The following TMEM161B variants were observed in gnomAD, a reference collection of about 807,000 sequenced individuals.
TMEM161B encodes the protein transmembrane protein 161B.
TMEM161B carries 34 observed loss-of-function variants against 61.8 expected under a neutral mutation model. The ratio of observed to expected loss-of-function variants is 0.55; its 90% CI spans 0.42 to 0.73. The LOEUF is 0.73. Ranked by LOEUF, TMEM161B falls within the 30% of genes least tolerant of loss-of-function variation. The probability of loss-of-function intolerance (pLI) is 0.00; values close to 1 mark genes in which losing one functional copy is unlikely to be tolerated. For synonymous variants in TMEM161B, 167 were observed against 192.8 expected (o/e 0.87, Z 1.11); for missense variants, 456 against 558.5 (o/e 0.82, Z 1.85).
chr5:88,197,923 A>G (rs1016099512), intron 10 of TMEM161B, 158 bp from the exon 11 acceptor site: 6 of 499,292 alleles, frequency 1.2e-5, no homozygotes, highest in African/African-American at 2.0e-5. Flanking sequence ...CATGTCCCCA[A>G]AATGACTTTG....
rs1368941352 is a variant in TMEM161B, at chr5:88,196,124, C to T, written c.*87G>A. The T allele has an allele frequency of 6.7e-7, 1 of 1,489,670 alleles. No individual in the cohort carries two copies. Among genetic ancestry groups the T allele is most frequent in the Non-Finnish European group, 8.9e-7 (1 of 1,123,196 alleles). 92.3% of individuals were successfully genotyped at this position (1,489,670 alleles called of 1,614,324 possible). On this transcript the variant is annotated 3_prime_UTR_variant, in exon 12 of 12. Coordinates refer to ENST00000296595, the MANE Select transcript of TMEM161B (RefSeq NM_153354.5). ...TGTTTTTTTTTTCCCATTGTATTTG[C>T]TTTCTTCTGGTTTTCATCAGCCCTT... is the stretch of plus-strand genomic sequence containing the variant.
chr5:88,194,017 A>G (rs745712243), downstream of TMEM161B, among the ~76,000 whole-genome samples: 4 of 152,174 alleles, frequency 2.6e-5, no homozygotes, highest in African/African-American at 4.8e-5. Flanking sequence ...TTTTAGTTTC[A>G]GGGCATACAT....
intron 2 of TMEM161B, among the ~76,000 whole-genome samples, chr5:88,239,292 C>A (rs530676013): frequency 1.8e-3 from 270 of 151,930 alleles, no homozygotes; most frequent in African/African-American, 6.1e-3. Flanking sequence ...TCTTTACAGA[C>A]AAAGGAGATA....
chr5:88,241,662 T>A (rs1292882351), intron 1 of TMEM161B, among the ~76,000 whole-genome samples: 1 of 151,800 alleles, frequency 6.6e-6, no homozygotes, highest in Non-Finnish European at 1.5e-5. Context: ...ACTCATGCTG[T>A]TACCACCCAC....
rs1749405195 is a variant in TMEM161B, at chr5:88,195,123, T to G, written c.*1088A>C. On this transcript the variant is annotated 3_prime_UTR_variant, in exon 12 of 12. Transcript: ENST00000296595. ...TTTTGGAAATGACAGAAAAAGAATT[T>G]TAATTTGGGAGAAACCATTAAGCGT... 1 of 984,684 alleles carries G rather than the reference T, an allele frequency of 1.0e-6. No individual in the cohort carries two copies. Among genetic ancestry groups the G allele is most frequent in the Non-Finnish European group, 1.2e-6 (1 of 829,120 alleles). 61.0% of individuals were successfully genotyped at this position (984,684 alleles called of 1,614,324 possible). A position where few individuals can be genotyped will look rare whatever the true frequency, so the allele number is the denominator to read the frequency against.
intron 8 of TMEM161B, among the ~76,000 whole-genome samples, chr5:88,203,891 A>C (rs1284489413): frequency 6.7e-6 from 1 of 148,852 alleles, no homozygotes; most frequent in Non-Finnish European, 1.5e-5. Flanking sequence ...TTCATTGTTA[A>C]TTGTCCAAGT....
intron 1 of TMEM161B, among the ~76,000 whole-genome samples, chr5:88,262,794 G>A (rs1169041975): frequency 6.6e-6 from 1 of 152,070 alleles, no homozygotes; most frequent in African/African-American, 2.4e-5. Context: ...CCACTCTGGT[G>A]AAGGATGTTG....
chr5:88,228,029 T>C (rs951601780), intron 3 of TMEM161B, among the ~76,000 whole-genome samples: 3 of 152,126 alleles, frequency 2.0e-5, no homozygotes, highest in African/African-American at 7.2e-5. Flanking sequence ...ATATTGTCCC[T>C]CCCTTTTAAT....
chr5:88,204,377 TA>T (rs1267875443), intron 8 of TMEM161B, among the ~76,000 whole-genome samples: 1 of 152,124 alleles, frequency 6.6e-6, no homozygotes. Context: ...CACATTTTAC[TA>T]AAAAGGACAC....
intron 1 of TMEM161B, among the ~76,000 whole-genome samples, chr5:88,267,388 G>A (rs913393432): frequency 4.0e-5 from 6 of 151,848 alleles, no homozygotes; most frequent in Non-Finnish European, 8.8e-5. Context: ...CTGGTAAAGT[G>A]CACCAGGAAC....
At chr5:88,211,150 TA>T (rs548516810) in intron 5 of TMEM161B, among the ~76,000 whole-genome samples, 17 of 150,762 alleles carry the variant, frequency 1.1e-4, no homozygotes, top group South Asian at 4.2e-4. Flanking sequence ...TCACATCTTA[TA>T]AAAAAAATAC....
intron 1 of TMEM161B, among the ~76,000 whole-genome samples, chr5:88,256,497 T>C (rs1468380985): frequency 2.0e-5 from 3 of 152,254 alleles, no homozygotes; most frequent in Non-Finnish European, 2.9e-5. Context: ...AAAGACATGT[T>C]TGACATGTAC....
chr5:88,189,990 A>G (rs1748619508), exon 13 of TMEM161B: 4 of 689,206 alleles, frequency 5.8e-6, no homozygotes, highest in Non-Finnish European at 1.1e-5. Context: ...CAAGTCAGCC[A>G]CAAACGCCAG....
At chr5:88,189,412 G>C (rs1278741431), downstream of TMEM161B, among the ~76,000 whole-genome samples, 2 of 152,084 alleles carry the variant, frequency 1.3e-5, no homozygotes, top group African/African-American at 4.8e-5. Context: ...GTCCAGGCTT[G>C]GTCTTGCCTT....
At position 88,196,040 on chromosome 5, in the gene TMEM161B, T is replaced by C; in HGVS notation, c.*171A>G. 1 of 1,397,694 alleles carries C rather than the reference T, an allele frequency of 7.2e-7. No homozygotes were observed. Among genetic ancestry groups the C allele is most frequent in the East Asian group, 2.7e-5 (1 of 37,706 alleles). 86.6% of individuals were successfully genotyped at this position (1,397,694 alleles called of 1,614,324 possible). A position where few individuals can be genotyped will look rare whatever the true frequency, so the allele number is the denominator to read the frequency against. On this transcript the variant is annotated 3_prime_UTR_variant, in exon 12 of 12. Transcript: ENST00000296595. The stretch of plus-strand genomic sequence containing the variant: ...CAATCTATTTTGTAATTTTAAATAT[T>C]ACTACATTAATTCACCCTGAGAATA...
rs1749565533 is a variant in TMEM161B, at chr5:88,196,039, TTAC to T, written c.*169_*171del. 1 of 1,396,584 alleles carries T rather than the reference TTAC, an allele frequency of 7.2e-7. No homozygotes were observed. The highest frequency in any genetic ancestry group is 9.3e-7 in the Non-Finnish European group (1 of 1,080,054). The allele number at this position is 1,396,584 out of a possible 1,614,324, so 86.5% of individuals were successfully genotyped here. ...ACAATCTATTTTGTAATTTTAAATATTACTACATTAATTCACCCTGAGAATACA... is the reference window on the plus strand; with the variant it reads ...ACAATCTATTTTGTAATTTTAAATATTACATTAATTCACCCTGAGAATACA... On this transcript the variant is annotated 3_prime_UTR_variant, in exon 12 of 12. Transcript: ENST00000296595.
At chr5:88,238,540 T>C (rs1399013448) in intron 2 of TMEM161B, among the ~76,000 whole-genome samples, 2 of 152,062 alleles carry the variant, frequency 1.3e-5, no homozygotes, top group Non-Finnish European at 2.9e-5. Context: ...ACACTATTCA[T>C]AGTTGTAAAA....
intron 1 of TMEM161B, among the ~76,000 whole-genome samples, chr5:88,248,764 G>A (rs1461517035): frequency 6.9e-6 from 1 of 145,258 alleles, no homozygotes; most frequent in Non-Finnish European, 1.5e-5. Context: ...GATCCAAGAA[G>A]ACAAAAAAGC....
chr5:88,231,977 C>T (rs1322542394), intron 2 of TMEM161B, among the ~76,000 whole-genome samples: 2 of 152,102 alleles, frequency 1.3e-5, no homozygotes, highest in African/African-American at 4.8e-5. Flanking sequence ...TACCTAATAC[C>T]AGTAATCATT....
Sources: gnomAD v4.1 joint callset for allele counts (sites outside exome capture counted in the v4.1 genomes callset) on GRCh38, gnomAD v4.1.1 for gene constraint, MANE v1.5 for transcripts, NCBI Gene and HGNC (gene_info 2026-07-23, HGNC 2026-07-21) for gene names.